Variants in ATP7B observed in about 807,000 individuals in gnomAD.
ATP7B encodes the protein ATPase copper transporting beta.
In ATP7B, 113 loss-of-function variants were observed where a neutral mutation model predicts 118.9. The ratio of observed to expected loss-of-function variants is 0.95; its 90% CI spans 0.82 to 1.11. The LOEUF (loss-of-function observed/expected upper bound fraction) is 1.11. ATP7B is among the 50% of genes most tolerant of loss of function. The pLI, the probability that ATP7B is intolerant of heterozygous loss-of-function variation, is 0.00. For missense variants in ATP7B, 1,867 were observed against 1,871.4 expected, an observed-to-expected ratio of 1.00 and a Z score of 0.04; for synonymous variants, 777 against 727.4, an observed-to-expected ratio of 1.07 and a Z score of -1.10.
At chr13:51,960,025 G>A in intron 7 of ATP7B, 123 bp downstream of exon 7, 5 of 1,343,748 alleles carry the variant, frequency 3.7e-6, no homozygotes, top group South Asian at 3.7e-5. Context: ...GGTGGGGCAG[G>A]AAAGCTGCAA....
At chr13:52,006,422 T>A (rs1299642798) in intron 1 of ATP7B, among the ~76,000 whole-genome samples, 1 of 152,248 alleles carries the variant, frequency 6.6e-6, no homozygotes, top group African/African-American at 2.4e-5. Flanking sequence ...TGGCCTCTAA[T>A]ACTCAGGACA....
At chr13:51,955,858 C>T (rs1415051481) in intron 9 of ATP7B, among the ~76,000 whole-genome samples, 1 of 152,000 alleles carries the variant, frequency 6.6e-6, no homozygotes, top group Non-Finnish European at 1.5e-5. Flanking sequence ...ATGCCAGGTG[C>T]CGTCACACAG....
chr13:51,990,921 C>T (rs1369340660), intron 1 of ATP7B, among the ~76,000 whole-genome samples: 1 of 152,178 alleles, frequency 6.6e-6, no homozygotes, highest in East Asian at 1.9e-4. Context: ...AACCTCATCT[C>T]TACTAAAAAT....
intron 1 of ATP7B, among the ~76,000 whole-genome samples, chr13:51,976,614 T>G (rs986701792): frequency 2.2e-4 from 34 of 152,200 alleles, no homozygotes; most frequent in Admixed American, 6.5e-5. Flanking sequence ...GTGACCATCA[T>G]AGAGTCACTT....
chr13:51,944,308 C>T lies in ATP7B; in HGVS notation c.3061-17G>A, dbSNP rs1294620430. On this transcript the variant is annotated splice_polypyrimidine_tract_variant and intron_variant, in intron 13 of 20. Coordinates refer to ENST00000242839, the MANE Select transcript of ATP7B (RefSeq NM_000053.4). ...AGTCTTTATCTGCCAAAAACAACCA[C>T]AACTCACTGACCACAATACAGATGG... 2 of 1,613,620 alleles carry T rather than the reference C, an allele frequency of 1.2e-6. No individual in the cohort carries two copies. Among genetic ancestry groups the T allele is most frequent in the Admixed American group, 3.3e-5 (2 of 60,012 alleles).
intron 1 of ATP7B, among the ~76,000 whole-genome samples, chr13:51,997,145 CT>C (rs1953249876): frequency 6.6e-6 from 1 of 152,178 alleles, no homozygotes; most frequent in Non-Finnish European, 1.5e-5. Context: ...CTGAAAGGAT[CT>C]ATCAGGAGCC....
At chr13:51,977,038 T>C (rs902553831) in intron 1 of ATP7B, among the ~76,000 whole-genome samples, 1 of 152,190 alleles carries the variant, frequency 6.6e-6, no homozygotes, top group African/African-American at 2.4e-5. Context: ...CAGTGGCTCA[T>C]TGTAATCTCA....
intron 1 of ATP7B, among the ~76,000 whole-genome samples, chr13:51,985,912 C>A (rs564759564): frequency 5.9e-5 from 9 of 152,312 alleles, no homozygotes; most frequent in African/African-American, 2.2e-4. Context: ...ACAGCCAAAG[C>A]ACTGGTTAGT....
chr13:51,965,508 C>G (rs1951502804), intron 4 of ATP7B, among the ~76,000 whole-genome samples: 1 of 152,070 alleles, frequency 6.6e-6, no homozygotes, highest in Non-Finnish European at 1.5e-5. Context: ...TCTGCTGGCT[C>G]CAAGGGTAAT....
At chr13:52,004,921 GCACCACATGGA>G (rs967633094) in intron 1 of ATP7B, among the ~76,000 whole-genome samples, 8 of 152,198 alleles carry the variant, frequency 5.3e-5, no homozygotes, top group Non-Finnish European at 1.0e-4. Context: ...GCTGCAGTTA[GCACCACATGGA>G]CACCAAGGTT....
chr13:51,966,899 C>T, intron 4 of ATP7B: 1 of 1,612,724 alleles, frequency 6.2e-7, no homozygotes, highest in Non-Finnish European at 8.5e-7. Context: ...AGAAACCTCA[C>T]CACAAAAACC....
At chr13:51,952,191 G>T (rs1028237941) in intron 9 of ATP7B, among the ~76,000 whole-genome samples, 1 of 152,218 alleles carries the variant, frequency 6.6e-6, no homozygotes, top group Non-Finnish European at 1.5e-5. Flanking sequence ...TGCTGCGGGG[G>T]GAGAGGAGAA....
At chr13:51,952,436 G>GGC (rs1021894264) in intron 9 of ATP7B, among the ~76,000 whole-genome samples, 52 of 152,188 alleles carry the variant, frequency 3.4e-4, no homozygotes, top group Admixed American at 1.3e-4. Context: ...ACTATCACAG[G>GGC]CACAAAAGCC....
intron 1 of ATP7B, among the ~76,000 whole-genome samples, chr13:52,000,776 T>C (rs1210303719): frequency 6.6e-6 from 1 of 152,218 alleles, no homozygotes; most frequent in Non-Finnish European, 1.5e-5. Flanking sequence ...ATCCCAGCAC[T>C]TTGGAAGGCC....
rs566159129 is a variant in ATP7B at position 51,934,687 on chromosome 13, G to A, written c.*69C>T. 3 of 1,601,190 alleles carry A rather than the reference G, an allele frequency of 1.9e-6. No homozygotes were observed. In the Admixed American group the frequency reaches 5.0e-5, roughly 27 times the overall value. On this transcript the variant is annotated 3_prime_UTR_variant, in exon 21 of 21. Coordinates refer to ENST00000242839, the MANE Select transcript of ATP7B (RefSeq NM_000053.4). ...GGAGGCTAGCTCAGCCCATCCTGCT[G>A]CTGGCTGTCCTGCTCAGCTTGTGGT...
At chr13:51,959,752 C>G (rs1235787546) in intron 7 of ATP7B, 1 of 260,574 alleles carries the variant, frequency 3.8e-6, no homozygotes, top group South Asian at 4.9e-5. Context: ...TAAGATAGAA[C>G]ACTCAAGAGT....
chr13:51,975,117 T>C lies in ATP7B; in HGVS notation c.103A>G (p.Lys35Glu), dbSNP rs1057516516. 1.2e-6 allele frequency: 2 copies of C among 1,614,238 alleles called. No homozygotes were observed. Among genetic ancestry groups the C allele is most frequent in the Admixed American group, 1.7e-5 (1 of 60,028 alleles). The change falls in exon 2 of 21, where the codon AAG becomes GAG. Residue 35 changes from lysine (K) to glutamate (E), a missense_variant. Physicochemically the swap from Lys to Glu is moderately conservative, Grantham distance 56. Transcript: ENST00000242839. Reference sequence around the variant, plus strand: ...CCAACATTGTCAAAAGCAAAACTCTTCTTCATTGCTGGTTCCCAGGCACGG... The same window carrying C: ...CCAACATTGTCAAAAGCAAAACTCTCCTTCATTGCTGGTTCCCAGGCACGG... ...PTRAWEPAMK[K>E]SFAFDNVGYE...
intron 1 of ATP7B, among the ~76,000 whole-genome samples, chr13:51,987,742 C>A (rs1054547832): frequency 3.3e-5 from 5 of 152,078 alleles, no homozygotes; most frequent in Admixed American, 3.3e-4. Flanking sequence ...AGAACATGGG[C>A]CTCAGAAATA....
At chr13:51,961,358 C>T (rs971469292) in intron 6 of ATP7B, among the ~76,000 whole-genome samples, 5 of 151,922 alleles carry the variant, frequency 3.3e-5, no homozygotes, top group Admixed American at 3.3e-4. Context: ...AATGAATGAT[C>T]TCAGGTCTCC....
Sources: gnomAD v4.1 joint callset for allele counts (sites outside exome capture counted in the v4.1 genomes callset) on GRCh38, gnomAD v4.1.1 for gene constraint, MANE v1.5 for transcripts, NCBI Gene and HGNC (gene_info 2026-07-23, HGNC 2026-07-21) for gene names.